The following THOC1 variants were observed in gnomAD, a reference collection of about 807,000 sequenced individuals.
THOC1 encodes THO complex subunit 1, also known as THO complex 1.
A neutral mutation model predicts 97.3 loss-of-function variants in THOC1; 29 were observed. The observed-to-expected ratio is 0.30, with a 90% CI of 0.22 to 0.41. THOC1 has a LOEUF of 0.41. Among genes scored for constraint, THOC1 ranks in the 10% least tolerant of loss-of-function variants. The probability of loss-of-function intolerance (pLI) is 1.00; values close to 1 mark genes in which losing one functional copy is unlikely to be tolerated. For synonymous variants in THOC1, 255 were observed against 257.0 expected, an observed-to-expected ratio of 0.99 and a Z score of 0.07; for missense variants, 529 against 761.9, an observed-to-expected ratio of 0.69 and a Z score of 3.60.
chr18:226,987 A>T, intron 11 of THOC1, 86 bp from the exon 12 acceptor site: 1 of 1,020,102 alleles, frequency 9.8e-7, no homozygotes, highest in Non-Finnish European at 1.4e-6. Context: ...TAATATAGAA[A>T]TGGAAGATTC....
rs756938314 is a variant in THOC1, at chr18:218,879, T to A, written c.1454+7A>T. On this transcript the variant is annotated splice_region_variant and intron_variant, in intron 18 of 20. Coordinates refer to ENST00000261600, the MANE Select transcript of THOC1 (RefSeq NM_005131.3). ...AATTAAAAGGAGCTAATGAGGAGCA[T>A]ACTTACTTATATTCATTTTCCACCA... The A allele has an allele frequency of 1.3e-6, 2 of 1,585,374 alleles. No homozygotes were observed. The highest frequency in any genetic ancestry group is 2.7e-5 in the African/African-American group (2 of 74,538).
At position 268,013 on chromosome 18, in the gene THOC1, G is replaced by T; in HGVS notation, c.7C>A (p.Pro3Thr). Residue 3 changes from proline (P) to threonine (T), a missense_variant, in exon 1 of 21, where the codon CCG becomes ACG. Physicochemically the swap from Pro to Thr is conservative, Grantham distance 38 (BLOSUM62 -1). Around this residue, in one of 8 missense-constraint regions of THOC1, gnomAD observed 114 missense variants for 97.4 expected, o/e 1.17. Coordinates refer to ENST00000261600, the MANE Select transcript of THOC1 (RefSeq NM_005131.3). MS[P>T]TPPLFSLPEA... Reference sequence around the variant, plus strand: ...GGCAAACTGAAGAGCGGCGGCGTCGGAGACATCTTCTCGGCTGCGCGTGCC... The same window carrying T: ...GGCAAACTGAAGAGCGGCGGCGTCGTAGACATCTTCTCGGCTGCGCGTGCC... The T allele has an allele frequency of 2.5e-6, 4 of 1,604,822 alleles. No individual in the cohort carries two copies. The highest frequency in any genetic ancestry group is 3.4e-6 in the Non-Finnish European group (4 of 1,175,896).
At chr18:265,237 C>T (rs566905727) in intron 3 of THOC1, 66 bp downstream of exon 3, 22 of 1,354,522 alleles carry the variant, frequency 1.6e-5, no homozygotes, top group African/African-American at 3.0e-5. Flanking sequence ...AGAAAAAAAG[C>T]AATTTTTAAA....
At chr18:239,190 C>T (rs995351242) in intron 11 of THOC1, among the ~76,000 whole-genome samples, 5 of 151,966 alleles carry the variant, frequency 3.3e-5, no homozygotes, top group East Asian at 3.8e-4. Context: ...TTACGCTATC[C>T]GGTAAAGTTT....
chr18:243,509 G>T (rs1022132185), intron 11 of THOC1, among the ~76,000 whole-genome samples: 1 of 151,852 alleles, frequency 6.6e-6, no homozygotes, highest in Non-Finnish European at 1.5e-5. Context: ...TTGCACTCCA[G>T]CCTGGGCGAC....
At chr18:252,676 T>C in intron 8 of THOC1, 64 bp from the exon 9 acceptor site, 1 of 1,371,810 alleles carries the variant, frequency 7.3e-7, no homozygotes, top group Non-Finnish European at 1.0e-6. Flanking sequence ...AGATAAATGC[T>C]AGAATAAGTG....
intron 11 of THOC1, among the ~76,000 whole-genome samples, chr18:241,625 T>C (rs1911904750): frequency 6.6e-6 from 1 of 152,244 alleles, no homozygotes; most frequent in Non-Finnish European, 1.5e-5. Flanking sequence ...TCTGAAGGAC[T>C]GGGTAACCCT....
intron 17 of THOC1, 138 bp from the exon 18 acceptor site, chr18:219,107 TTAATAA>T: frequency 3.3e-6 from 1 of 302,650 alleles, no homozygotes; most frequent in Non-Finnish European, 5.6e-6. Flanking sequence ...GCATATACTC[TTAATAA>T]TAAATACTCA....
rs754896715 is a variant in THOC1 at position 265,368 on chromosome 18, TA to T, written c.129-6del. ...GTACATTTTTTTTCATTTTCACTAT[TA>T]AAAACAAAAGACATCCTCATTTTTC... On this transcript the variant is annotated splice_polypyrimidine_tract_variant and splice_region_variant and intron_variant, in intron 2 of 20. Coordinates refer to ENST00000261600, the MANE Select transcript of THOC1 (RefSeq NM_005131.3). The T allele has an allele frequency of 1.4e-5, 22 of 1,604,432 alleles. No individual in the cohort carries two copies. In the South Asian group the frequency reaches 2.3e-4, roughly 17 times the overall value.
intron 17 of THOC1, among the ~76,000 whole-genome samples, chr18:219,563 C>T (rs1201053229): frequency 6.6e-6 from 1 of 152,062 alleles, no homozygotes; most frequent in African/African-American, 2.4e-5. Context: ...GTTTTGATTA[C>T]GTGGGAACTC....
chr18:247,305 T>C (rs1182704920), intron 10 of THOC1, among the ~76,000 whole-genome samples: 3 of 152,184 alleles, frequency 2.0e-5, no homozygotes, highest in African/African-American at 7.2e-5. Context: ...AAGAAAAATA[T>C]AACAAATTCT....
At chr18:231,751 T>C (rs1043129809) in intron 11 of THOC1, among the ~76,000 whole-genome samples, 3 of 152,226 alleles carry the variant, frequency 2.0e-5, no homozygotes, top group Non-Finnish European at 2.9e-5. Flanking sequence ...ACCACTACCA[T>C]GTATTTCACG....
At chr18:260,146 G>A (rs1912559402) in intron 5 of THOC1, 40 bp downstream of exon 5, 1 of 1,295,434 alleles carries the variant, frequency 7.7e-7, no homozygotes, top group African/African-American at 1.5e-5. Context: ...TGGATCTATA[G>A]AAAGATAAAG....
chr18:251,447 C>G (rs1332881744), intron 9 of THOC1, among the ~76,000 whole-genome samples: 2 of 152,172 alleles, frequency 1.3e-5, no homozygotes, highest in Non-Finnish European at 2.9e-5. Flanking sequence ...GGAAAATTTT[C>G]CTTAATGCCT....
chr18:239,764 GATCT>G (rs1911833400), intron 11 of THOC1, among the ~76,000 whole-genome samples: 1 of 152,132 alleles, frequency 6.6e-6, no homozygotes. Flanking sequence ...ATTAAACACT[GATCT>G]ATTAAAACAT....
intron 11 of THOC1, among the ~76,000 whole-genome samples, chr18:230,381 C>T (rs374385518): frequency 1.1e-4 from 17 of 152,254 alleles, no homozygotes; most frequent in South Asian, 6.2e-4. Flanking sequence ...CTTAAAGAGA[C>T]GAACCAAAGT....
chr18:255,209 G>A lies in THOC1; in HGVS notation c.521-854C>T, dbSNP rs146981592. 1.2e-4 allele frequency among the ~76,000 whole-genome samples: 18 copies of A among 152,290 alleles called. No homozygotes were observed. The East Asian group carries it at 3.5e-3, about 29-fold the overall frequency. On this transcript the variant is annotated intron_variant, in intron 7 of 20. Coordinates refer to ENST00000261600, the MANE Select transcript of THOC1 (RefSeq NM_005131.3). The stretch of plus-strand genomic sequence containing the variant: ...GATTCTAAGTGTCAAGTAAAAGGAT[G>A]AGTCTCACATTTCTCACTTTAAATA...
chr18:223,324 G>A, intron 17 of THOC1, 116 bp downstream of exon 17: 1 of 775,720 alleles, frequency 1.3e-6, no homozygotes, highest in Non-Finnish European at 2.0e-6. Context: ...TGTGCCAAAA[G>A]TCAACCACAA....
Position 221,606 on chromosome 18 carries a change from C to CTT in THOC1, c.1370+1832_1370+1833dup, listed in dbSNP as rs369952039. On this transcript the variant is annotated intron_variant, in intron 17 of 20. Coordinates refer to ENST00000261600, the MANE Select transcript of THOC1 (RefSeq NM_005131.3). The stretch of plus-strand genomic sequence containing the variant: ...ATTTCTTATAAACATATAGATGGAT[C>CTT]TTTTTTTTTTTTTTTTTTTTGAGAC... 8.2e-3 allele frequency among the ~76,000 whole-genome samples: 914 copies of CTT among 110,906 alleles called. 26 individuals carry two copies. The highest frequency in any genetic ancestry group is 0.016 in the African/African-American group (473 of 29,522). The allele number at this position is 110,906 out of a possible 152,430, so 72.8% of individuals were successfully genotyped here. A position where few individuals can be genotyped will look rare whatever the true frequency, so the allele number is the denominator to read the frequency against.
Sources: gnomAD v4.1 joint callset for allele counts (sites outside exome capture counted in the v4.1 genomes callset) on GRCh38, gnomAD v4.1.1 for gene constraint, gnomAD v4.1.1 regional missense constraint, MANE v1.5 for transcripts, NCBI Gene and HGNC (gene_info 2026-07-23, HGNC 2026-07-21) for gene names.